Variants in IL13RA1 observed in about 807,000 individuals in gnomAD.
IL13RA1 encodes interleukin-13 receptor subunit alpha-1.
In IL13RA1, 14 loss-of-function variants were observed where a neutral mutation model predicts 33.8. The observed-to-expected ratio is 0.41, with a 90% CI of 0.27 to 0.65. The LOEUF (loss-of-function observed/expected upper bound fraction) is 0.65, where lower values mean the gene tolerates loss of function less well. Ranked by LOEUF, IL13RA1 falls within the 30% of genes least tolerant of loss-of-function variation. The probability of loss-of-function intolerance (pLI) is 0.28; values close to 1 mark genes in which losing one functional copy is unlikely to be tolerated. For synonymous variants in IL13RA1, 116 were observed against 115.7 expected, an observed-to-expected ratio of 1.00 and a Z score of -0.02; for missense variants, 313 against 327.0, an observed-to-expected ratio of 0.96 and a Z score of 0.33.
chrX:118,767,715 C>T (rs899643182), intron 8 of IL13RA1, among the ~76,000 whole-genome samples: 26 of 111,623 alleles, frequency 2.3e-4, no homozygotes, highest in Non-Finnish European at 4.5e-4. Flanking sequence ...GGCTCAAGTA[C>T]AGGACTGGAA....
Position 118,766,220 on chromosome X carries a change from G to T in IL13RA1, c.829-310G>T. On this transcript the variant is annotated intron_variant, in intron 6 of 10. Transcript: ENST00000371666. ...CTTCAAGGTCATTAAGATATTCTCT[G>T]TTTTTATCTAAAAGCTTGCTATAGT... Among the ~76,000 whole-genome samples the T allele has an allele frequency of 3.6e-5, 4 of 111,237 alleles. 2 individuals are homozygous for T. In the Middle Eastern group the frequency reaches 0.019, roughly 515 times the overall value.
intron 8 of IL13RA1, among the ~76,000 whole-genome samples, chrX:118,771,240 G>T (rs2017716296): frequency 9.2e-6 from 1 of 109,193 alleles, no homozygotes; most frequent in African/African-American, 3.3e-5. Context: ...TCAGGCAGCT[G>T]GCAAGTGGTT....
chrX:118,745,225 T>C (rs1357683137), intron 2 of IL13RA1, among the ~76,000 whole-genome samples: 1 of 112,045 alleles, frequency 8.9e-6, no homozygotes, highest in Non-Finnish European at 1.9e-5. Flanking sequence ...GCAGAGCCTA[T>C]ATGGGAAGCC....
intron 10 of IL13RA1, among the ~76,000 whole-genome samples, chrX:118,789,038 C>T (rs2017950314): frequency 8.9e-6 from 1 of 112,307 alleles, no homozygotes; most frequent in Non-Finnish European, 1.9e-5. Flanking sequence ...AGCTGAAACA[C>T]TTCTGGTCCC....
chrX:118,734,535 A>AT (rs1286220585), intron 1 of IL13RA1, among the ~76,000 whole-genome samples: 3 of 111,909 alleles, frequency 2.7e-5, no homozygotes, highest in African/African-American at 6.5e-5. Context: ...TGAAAAGTAA[A>AT]TTTTGTCTAA....
the IL13RA1 span, among the ~76,000 whole-genome samples, chrX:118,801,181 A>C: frequency 8.9e-6 from 1 of 112,782 alleles, no homozygotes; most frequent in Non-Finnish European, 1.9e-5. Context: ...AATTGGAAAC[A>C]ATTTCCTCTG....
chrX:118,727,801 G>T, intron 1 of IL13RA1, 75 bp downstream of exon 1: 1 of 454,836 alleles, frequency 2.2e-6, no homozygotes, highest in Non-Finnish European at 3.1e-6. Flanking sequence ...AAAGGCCCCG[G>T]AGGTCAACGC....
chrX:118,784,147 A>ATAT lies in IL13RA1; in HGVS notation c.1192-7615_1192-7614insTAT, dbSNP rs201472366. 7.5e-4 allele frequency among the ~76,000 whole-genome samples: 67 copies of ATAT among 89,526 alleles called. 4 individuals carry two copies. The highest frequency in any genetic ancestry group is 6.4e-3 in the South Asian group (12 of 1,869). The allele number at this position is 89,526 out of a possible 115,157, so 77.7% of individuals were successfully genotyped here. ...TATATATGTATATATATATATATAT[A>ATAT]CGTATATACACATATATACGTATAT... is the stretch of plus-strand genomic sequence containing the variant. On this transcript the variant is annotated intron_variant, in intron 10 of 10. Transcript: ENST00000371666.
At chrX:118,778,700 A>G (rs1022910484) in intron 10 of IL13RA1, among the ~76,000 whole-genome samples, 7 of 112,342 alleles carry the variant, frequency 6.2e-5, no homozygotes, top group Admixed American at 9.4e-5. Flanking sequence ...GCTGTGATAG[A>G]TGCTGGAGGT....
intron 10 of IL13RA1, among the ~76,000 whole-genome samples, chrX:118,788,803 T>C (rs1294314376): frequency 8.9e-6 from 1 of 111,868 alleles, no homozygotes; most frequent in Non-Finnish European, 1.9e-5. Flanking sequence ...GGATAAATTG[T>C]TACAAGCCAA....
chrX:118,772,554 A>T (rs1356161192), intron 8 of IL13RA1, among the ~76,000 whole-genome samples: 1 of 112,148 alleles, frequency 8.9e-6, no homozygotes, highest in African/African-American at 3.2e-5. Flanking sequence ...ATTTTTATTT[A>T]AAAAAACCTT....
the IL13RA1 span, among the ~76,000 whole-genome samples, chrX:118,800,267 G>A: frequency 2.8e-3 from 314 of 110,319 alleles, 2 homozygotes; most frequent in African/African-American, 9.5e-3. Context: ...CAGCAGTGGC[G>A]ACCCGCGCGG....
intron 1 of IL13RA1, among the ~76,000 whole-genome samples, chrX:118,734,819 G>T (rs1252667592): frequency 1.8e-5 from 2 of 111,739 alleles, no homozygotes; most frequent in Non-Finnish European, 3.8e-5. Context: ...ATCAGGTAAT[G>T]CTGGCCTCGT....
chrX:118,787,408 C>T (rs1281357121), intron 10 of IL13RA1, among the ~76,000 whole-genome samples: 1 of 111,158 alleles, frequency 9.0e-6, no homozygotes, highest in East Asian at 2.8e-4. Context: ...TATCACAAGG[C>T]AAATGGGCAG....
intron 4 of IL13RA1, among the ~76,000 whole-genome samples, chrX:118,757,524 C>CAA (rs1166805158): frequency 0.11 from 3,513 of 32,576 alleles, 341 homozygotes; most frequent in East Asian, 0.41. Flanking sequence ...GACTCTGTCT[C>CAA]AAAAAAAAAA....
intron 9 of IL13RA1, among the ~76,000 whole-genome samples, chrX:118,774,875 C>CAT (rs200645960): frequency 8.6e-4 from 96 of 111,214 alleles, no homozygotes; most frequent in Admixed American, 3.5e-3. Context: ...ATTTATTCAA[C>CAT]ATATATATAT....
At chrX:118,798,175 TACTC>T (rs765752607), downstream of IL13RA1, among the ~76,000 whole-genome samples, 243 of 111,927 alleles carry the variant, frequency 2.2e-3, 1 homozygote, top group African/African-American at 6.9e-3. Flanking sequence ...TGTGCACACA[TACTC>T]ACACTTCTCT....
chrX:118,784,121 A>ATATATACG (rs1569459406), intron 10 of IL13RA1, among the ~76,000 whole-genome samples: 3 of 23,544 alleles, frequency 1.3e-4, no homozygotes, highest in African/African-American at 5.1e-4. Context: ...GTATATATGT[A>ATATATACG]TATATATGTA....
chrX:118,784,852 C>CA (rs2147401605), intron 10 of IL13RA1, among the ~76,000 whole-genome samples: 1 of 111,536 alleles, frequency 9.0e-6, no homozygotes, highest in East Asian at 2.8e-4. Flanking sequence ...TATGTTTTGT[C>CA]AGAGTCAGCA....
Sources: allele counts gnomAD v4.1 joint callset (sites outside exome capture counted in the v4.1 genomes callset), GRCh38; gene constraint gnomAD v4.1.1; transcripts MANE v1.5; gene names NCBI Gene and HGNC (gene_info 2026-07-23, HGNC 2026-07-21).